CCN1: variants seen among roughly 807,000 people sequenced by gnomAD.
CCN1 encodes the protein CCN family member 1.
Under a neutral mutation model 38.1 loss-of-function variants are expected in CCN1, and 12 were observed. The observed-to-expected ratio is 0.31, with a 90% CI of 0.20 to 0.51. The LOEUF is 0.51. Among genes scored for constraint, CCN1 ranks in the 20% least tolerant of loss-of-function variants. The pLI is 0.97. For missense variants in CCN1, 466 were observed against 490.9 expected (o/e 0.95, Z 0.48); for synonymous variants, 202 against 196.1 (o/e 1.03, Z -0.25).
Position 85,582,994 on chromosome 1 carries a change from G to A in CCN1, c.1098G>A (p.Ala366=), listed in dbSNP as rs765825096. ...ACTGCCCGCATGCCAATGAAGCAGC[G>A]TTTCCCTTCTACAGGCTGTTCAATG... ...NYNCPHANEA[A]FPFYRLFNDI... Residue 366 remains alanine (A), a synonymous_variant, in exon 5 of 5, where the codon GCG becomes GCA. Coordinates refer to ENST00000451137, the MANE Select transcript of CCN1 (RefSeq NM_001554.5). The A allele has an allele frequency of 2.5e-6, 4 of 1,614,028 alleles. No individual in the cohort carries two copies. The highest frequency in any genetic ancestry group is 2.2e-5 in the South Asian group (2 of 91,072).
rs772077230 is a variant in CCN1, at chr1:85,582,848, G to A, written c.952G>A (p.Val318Met). The change falls in exon 5 of 5, where the codon GTG (valine) becomes ATG (methionine). Residue 318 changes from valine (V) to methionine (M), a missense_variant. Coordinates refer to ENST00000451137, the MANE Select transcript of CCN1 (RefSeq NM_001554.5). ...KYRPKYCGSC[V>M]DGRCCTPQLT... Reference sequence around the variant, plus strand: ...CCGGCCCAAGTACTGCGGTTCCTGCGTGGACGGCCGATGCTGCACGCCCCA... The same window carrying A: ...CCGGCCCAAGTACTGCGGTTCCTGCATGGACGGCCGATGCTGCACGCCCCA... The A allele has an allele frequency of 1.5e-5, 24 of 1,614,058 alleles. 1 individual carries two copies. The Admixed American group carries it at 1.7e-4, about 11-fold the overall frequency.
Position 85,583,132 on chromosome 1 carries a change from TG to T in CCN1, c.*93del. 1 of 1,345,204 alleles carries T rather than the reference TG, an allele frequency of 7.4e-7. No homozygotes were observed. The highest frequency in any genetic ancestry group is 1.0e-6 in the Non-Finnish European group (1 of 971,282). The allele number at this position is 1,345,204 out of a possible 1,614,324, so 83.3% of individuals were successfully genotyped here. A position where few individuals can be genotyped will look rare whatever the true frequency, so the allele number is the denominator to read the frequency against. On this transcript the variant is annotated 3_prime_UTR_variant, in exon 5 of 5. Transcript: ENST00000451137. Reference sequence around the variant, plus strand: ...ATGGAGAAAATGGGCGGGGGTGGTGTGGGTGATGGGACTCATTGTAGAAAGG... The same window carrying T: ...ATGGAGAAAATGGGCGGGGGTGGTGTGGTGATGGGACTCATTGTAGAAAGG...
rs1465352811 is a variant in CCN1 at position 85,582,199 on chromosome 1, G to A, written c.549G>A (p.Leu183=). 1 of 1,614,182 alleles carries A rather than the reference G, an allele frequency of 6.2e-7. No homozygotes were observed. The highest frequency in any genetic ancestry group is 8.5e-7 in the Non-Finnish European group (1 of 1,180,030). ...EDQDGLLGKE[L]GFDASEVELT... is the part of the protein sequence containing the mutation. ...AGGACGGCCTCCTTGGCAAGGAGCT[G>A]GGATTCGATGCCTCCGAGGTGGAGT... The change falls in exon 3 of 5, where the codon CTG becomes CTA. Residue 183 remains leucine, a synonymous_variant. Coordinates refer to ENST00000451137, the MANE Select transcript of CCN1 (RefSeq NM_001554.5).
At position 85,581,359 on chromosome 1, in the gene CCN1, T is replaced by A; in HGVS notation, c.64-6T>A. On this transcript the variant is annotated splice_polypyrimidine_tract_variant and splice_region_variant and intron_variant, in intron 1 of 4. Transcript: ENST00000451137. Reference sequence around the variant, plus strand: ...GAGTCTCACGCGTATCTTCTCCCCCTTCCAGGCGCTCTCCACCTGCCCCGC... The same window carrying A: ...GAGTCTCACGCGTATCTTCTCCCCCATCCAGGCGCTCTCCACCTGCCCCGC... The A allele has an allele frequency of 6.4e-7, 1 of 1,573,474 alleles. No individual in the cohort carries two copies. Among genetic ancestry groups the A allele is most frequent in the Non-Finnish European group, 8.6e-7 (1 of 1,161,510 alleles).
Position 85,582,244 on chromosome 1 carries a change from G to T in CCN1, c.594G>T (p.Leu198Phe). The change falls in exon 3 of 5, where the codon TTG (leucine) becomes TTT (phenylalanine). Residue 198 changes from leucine to phenylalanine, a missense_variant. Physicochemically the swap from Leu to Phe is conservative, Grantham distance 22. Coordinates refer to ENST00000451137, the MANE Select transcript of CCN1 (RefSeq NM_001554.5). ...TGGAGTTGACGAGAAACAATGAATT[G>T]ATTGCAGTTGGAAAAGGCAGCTCAC... Reference protein sequence around the residue: ...SEVELTRNNELIAVGKGSSLK... With the variant: ...SEVELTRNNEFIAVGKGSSLK... 6.2e-7 allele frequency: 1 copy of T among 1,614,164 alleles called. No individual in the cohort carries two copies. Among genetic ancestry groups the T allele is most frequent in the Non-Finnish European group, 8.5e-7 (1 of 1,180,034 alleles).
At position 85,583,228 on chromosome 1, in the gene CCN1, C is replaced by G; in HGVS notation, c.*186C>G. 1 of 623,840 alleles carries G rather than the reference C, an allele frequency of 1.6e-6. No homozygotes were observed. The highest frequency in any genetic ancestry group is 2.1e-5 in the South Asian group (1 of 48,104). The allele number at this position is 623,840 out of a possible 1,614,324, so 38.6% of individuals were successfully genotyped here. On this transcript the variant is annotated 3_prime_UTR_variant, in exon 5 of 5. Coordinates refer to ENST00000451137, the MANE Select transcript of CCN1 (RefSeq NM_001554.5). Reference sequence around the variant, plus strand: ...CCAAGGGTGCTGGTGCGGATGGACACTAATGCAGCCACGATTGGAGAATAC... The same window carrying G: ...CCAAGGGTGCTGGTGCGGATGGACAGTAATGCAGCCACGATTGGAGAATAC...
Position 85,583,733 on chromosome 1 carries a change from T to G in CCN1, c.*691T>G, listed in dbSNP as rs1659837788. The stretch of plus-strand genomic sequence containing the variant: ...TCTGAGTGTATGCCATTCGGTATTT[T>G]TAGAGGTGCTCCAAAGTCATTAGGA... On this transcript the variant is annotated 3_prime_UTR_variant, in exon 5 of 5. Transcript: ENST00000451137. 1 of 152,636 alleles carries G rather than the reference T, an allele frequency of 6.6e-6. No homozygotes were observed. The highest frequency in any genetic ancestry group is 2.1e-4 in the South Asian group (1 of 4,834). 9.5% of individuals were successfully genotyped at this position (152,636 alleles called of 1,614,324 possible). A position where few individuals can be genotyped will look rare whatever the true frequency, so the allele number is the denominator to read the frequency against.
At position 85,581,006 on chromosome 1, in the gene CCN1, G is replaced by C; in HGVS notation, c.22G>C (p.Ala8Pro). ...CACAATGAGCTCCCGCATCGCCAGGGCGCTCGCCTTAGTCGTCACCCTTCT... is the reference window on the plus strand; with the variant it reads ...CACAATGAGCTCCCGCATCGCCAGGCCGCTCGCCTTAGTCGTCACCCTTCT... MSSRIARALALVVTLLHL... is the reference protein window; with the variant it reads MSSRIARPLALVVTLLHL... Residue 8 changes from alanine to proline, a missense_variant, in exon 1 of 5, where the codon GCG becomes CCG. Ala to Pro is a conservative substitution (Grantham distance 27, BLOSUM62 -1). Transcript: ENST00000451137. 6.2e-7 allele frequency: 1 copy of C among 1,607,720 alleles called. No individual in the cohort carries two copies. The highest frequency in any genetic ancestry group is 8.5e-7 in the Non-Finnish European group (1 of 1,177,782).
chr1:85,582,716 T>C (rs1464191893), intron 4 of CCN1, 24 bp from the exon 5 acceptor site: 1 of 1,612,376 alleles, frequency 6.2e-7, no homozygotes, highest in Admixed American at 1.7e-5. Context: ...ACCCCTAACT[T>C]TCCTTCTCTC....
Position 85,583,667 on chromosome 1 carries a change from T to A in CCN1, c.*625T>A, listed in dbSNP as rs1281908411. Reference sequence around the variant, plus strand: ...TTTATATTCAGTGAAAAGATTTTATTTATGGAATTAACCATTTAATAAAGA... The same window carrying A: ...TTTATATTCAGTGAAAAGATTTTATATATGGAATTAACCATTTAATAAAGA... On this transcript the variant is annotated 3_prime_UTR_variant, in exon 5 of 5. Transcript: ENST00000451137. The A allele has an allele frequency of 6.5e-6, 1 of 152,858 alleles. No homozygotes were observed. Among genetic ancestry groups the A allele is most frequent in the South Asian group, 2.1e-4 (1 of 4,834 alleles). The allele number at this position is 152,858 out of a possible 1,614,324, so 9.5% of individuals were successfully genotyped here. A position where few individuals can be genotyped will look rare whatever the true frequency, so the allele number is the denominator to read the frequency against.
rs754828661 is a variant in CCN1 at position 85,581,394 on chromosome 1, C to T, written c.93C>T (p.His31=). Residue 31 remains histidine (H), a synonymous_variant, in exon 2 of 5, where the codon CAC becomes CAT. Coordinates refer to ENST00000451137, the MANE Select transcript of CCN1 (RefSeq NM_001554.5). ...LALSTCPAAC[H]CPLEAPKCAP... is the part of the protein sequence containing the mutation. The stretch of plus-strand genomic sequence containing the variant: ...TCTCCACCTGCCCCGCTGCCTGCCA[C>T]TGCCCCCTGGAGGCGCCCAAGTGCG... The T allele has an allele frequency of 4.8e-5, 77 of 1,602,262 alleles. No homozygotes were observed. Among genetic ancestry groups the T allele is most frequent in the Non-Finnish European group, 6.5e-5 (76 of 1,175,298 alleles).
rs577752115 is a variant in CCN1, at chr1:85,583,365, T to G, written c.*323T>G. On this transcript the variant is annotated 3_prime_UTR_variant, in exon 5 of 5. Coordinates refer to ENST00000451137, the MANE Select transcript of CCN1 (RefSeq NM_001554.5). ...TTTGCTAAGCATATTTTCTCTAGGC[T>G]TTTTTCCTTTTGGGGTTCTACAGTC... 4.5e-5 allele frequency: 14 copies of G among 310,940 alleles called. No individual in the cohort carries two copies. Among genetic ancestry groups the G allele is most frequent in the Non-Finnish European group, 7.7e-5 (13 of 168,058 alleles). 19.3% of individuals were successfully genotyped at this position (310,940 alleles called of 1,614,324 possible).
chr1:85,581,164 C>T (rs1659783020), intron 1 of CCN1, 117 bp downstream of exon 1: 2 of 1,339,806 alleles, frequency 1.5e-6, no homozygotes, highest in Non-Finnish European at 1.0e-6. Context: ...TGCGGGTAGC[C>T]GTTTCTTTAA....
chr1:85,582,667 GGT>G (rs777365838), intron 4 of CCN1, 43 bp downstream of exon 4: 7 of 1,613,162 alleles, frequency 4.3e-6, no homozygotes, highest in Non-Finnish European at 5.9e-6. Context: ...CTGGCAGGTG[GGT>G]GGGATGTGAA....
intron 1 of CCN1, 131 bp downstream of exon 1, chr1:85,581,178 C>T: frequency 8.1e-7 from 1 of 1,231,502 alleles, no homozygotes; most frequent in Non-Finnish European, 1.1e-6. Flanking sequence ...TCTTTAAGCA[C>T]TCTCCCCCTC....
Position 85,583,615 on chromosome 1 carries a change from C to A in CCN1, c.*573C>A, listed in dbSNP as rs1400487557. The A allele has an allele frequency of 6.6e-6, 1 of 152,652 alleles. No individual in the cohort carries two copies. Among genetic ancestry groups the A allele is most frequent in the Admixed American group, 6.6e-5 (1 of 15,266 alleles). 9.5% of individuals were successfully genotyped at this position (152,652 alleles called of 1,614,324 possible). On this transcript the variant is annotated 3_prime_UTR_variant, in exon 5 of 5. Transcript: ENST00000451137. ...TTGGGGAGGGAGGGGAAATGTAATA[C>A]TGGAATAATTTGTAAATGATTTTAA...
Position 85,580,819 on chromosome 1 carries a change from G to T in CCN1, c.-166G>T. 1 of 521,822 alleles carries T rather than the reference G, an allele frequency of 1.9e-6. No individual in the cohort carries two copies. Among genetic ancestry groups the T allele is most frequent in the Non-Finnish European group, 3.0e-6 (1 of 336,020 alleles). The allele number at this position is 521,822 out of a possible 1,614,324, so 32.3% of individuals were successfully genotyped here. A position where few individuals can be genotyped will look rare whatever the true frequency, so the allele number is the denominator to read the frequency against. On this transcript the variant is annotated 5_prime_UTR_variant, in exon 1 of 5. Coordinates refer to ENST00000451137, the MANE Select transcript of CCN1 (RefSeq NM_001554.5). ...CGCGCCCTCCGCGCCTTCTCCGCCG[G>T]GACCTCGAGCGAAAGACGCCCGCCC...
intron 1 of CCN1, 141 bp downstream of exon 1, chr1:85,581,188 C>T: frequency 8.3e-7 from 1 of 1,199,832 alleles, no homozygotes; most frequent in Non-Finnish European, 1.1e-6. Flanking sequence ...CTCTCCCCCT[C>T]CCCCCGAAGA....
At position 85,582,070 on chromosome 1, in the gene CCN1, C is replaced by A. The variant is rs778006793; in HGVS notation, c.420C>A (p.Leu140=). 1.9e-6 allele frequency: 3 copies of A among 1,614,168 alleles called. No homozygotes were observed. Among genetic ancestry groups the A allele is most frequent in the Admixed American group, 3.3e-5 (2 of 60,020 alleles). The change falls in exon 3 of 5, where the codon CTC becomes CTA. Residue 140 remains leucine (L), a synonymous_variant. Coordinates refer to ENST00000451137, the MANE Select transcript of CCN1 (RefSeq NM_001554.5). ...CIPLCPQELS[L]PNLGCPNPRL... ...CTCTGTGTCCCCAAGAACTATCTCT[C>A]CCCAACTTGGGCTGTCCCAACCCTC...
Sources: gnomAD v4.1 joint callset for allele counts on GRCh38, gnomAD v4.1.1 for gene constraint, MANE v1.5 for transcripts, NCBI Gene and HGNC (gene_info 2026-07-23, HGNC 2026-07-21) for gene names.